CYSLTR2: variants seen among roughly 807,000 people sequenced by gnomAD.
CYSLTR2 encodes the protein cysteinyl leukotriene receptor 2.
For synonymous variants in CYSLTR2, 179 were observed against 160.8 expected (o/e 1.11, Z -0.86); for missense variants, 398 against 411.9 (o/e 0.97, Z 0.29).
intron 1 of CYSLTR2, among the ~76,000 whole-genome samples, chr13:48,682,480 G>C (rs969681599): frequency 1.3e-5 from 2 of 151,938 alleles, no homozygotes; most frequent in Non-Finnish European, 2.9e-5. Flanking sequence ...CCCCATTCCA[G>C]CTAATGGCCT....
Position 48,707,432 on chromosome 13 carries a change from C to T in CYSLTR2, c.615C>T (p.Ala205=). ...AGCTGCAGACCATGAACTATATTGCCTTGGTGGTGGGCTGCCTGCTGCCAT... is the reference window on the plus strand; with the variant it reads ...AGCTGCAGACCATGAACTATATTGCTTTGGTGGTGGGCTGCCTGCTGCCAT... ...IAKLQTMNYI[A]LVVGCLLPFF... is the part of the protein sequence containing the mutation. Residue 205 remains alanine (A), a synonymous_variant, in exon 5 of 5, where the codon GCC becomes GCT. Coordinates refer to ENST00000682523, the MANE Select transcript of CYSLTR2 (RefSeq NM_001308476.3). 6.2e-7 allele frequency: 1 copy of T among 1,614,102 alleles called. No individual in the cohort carries two copies. The highest frequency in any genetic ancestry group is 8.5e-7 in the Non-Finnish European group (1 of 1,180,034).
intron 1 of CYSLTR2, among the ~76,000 whole-genome samples, chr13:48,667,675 C>CA (rs1566083556): frequency 6.6e-6 from 1 of 152,216 alleles, no homozygotes; most frequent in African/African-American, 2.4e-5. Context: ...CTCAACTGCA[C>CA]AGCTGCTCAC....
At chr13:48,701,962 G>A (rs1282928451) in intron 4 of CYSLTR2, among the ~76,000 whole-genome samples, 12 of 152,072 alleles carry the variant, frequency 7.9e-5, no homozygotes, top group African/African-American at 2.2e-4. Flanking sequence ...ACATGCACAC[G>A]TATGTTTATT....
At chr13:48,657,528 T>G (rs1953027689) in intron 1 of CYSLTR2, among the ~76,000 whole-genome samples, 1 of 148,614 alleles carries the variant, frequency 6.7e-6, no homozygotes. Flanking sequence ...GGGAAAGAGA[T>G]GGAAAAGGAG....
intron 1 of CYSLTR2, among the ~76,000 whole-genome samples, chr13:48,655,666 C>A (rs1952981136): frequency 6.6e-6 from 1 of 152,212 alleles, no homozygotes; most frequent in African/African-American, 2.4e-5. Context: ...TAAACATTCA[C>A]ATAGTACTTT....
chr13:48,676,913 T>C (rs1027447005), intron 1 of CYSLTR2, among the ~76,000 whole-genome samples: 3 of 152,112 alleles, frequency 2.0e-5, no homozygotes, highest in African/African-American at 7.2e-5. Context: ...GACGAAAATA[T>C]GGGCTGTCAA....
At chr13:48,673,288 C>T (rs139303680) in intron 1 of CYSLTR2, among the ~76,000 whole-genome samples, 3 of 152,138 alleles carry the variant, frequency 2.0e-5, no homozygotes, top group African/African-American at 7.2e-5. Context: ...TCCGGGTGCT[C>T]CTGTATTGGG....
chr13:48,662,148 T>G (rs1953145661), intron 1 of CYSLTR2, among the ~76,000 whole-genome samples: 1 of 152,152 alleles, frequency 6.6e-6, no homozygotes, highest in African/African-American at 2.4e-5. Flanking sequence ...TAACATAATG[T>G]CCTCCATTTC....
intron 1 of CYSLTR2, among the ~76,000 whole-genome samples, chr13:48,667,477 T>A (rs1332090810): frequency 2.0e-5 from 3 of 152,186 alleles, no homozygotes; most frequent in Non-Finnish European, 4.4e-5. Flanking sequence ...TGAGGGAACA[T>A]CTGCTGGGGC....
chr13:48,708,974 AG>A lies in CYSLTR2; in HGVS notation c.*1119del, dbSNP rs1375378867. On this transcript the variant is annotated 3_prime_UTR_variant, in exon 5 of 5. Coordinates refer to ENST00000682523, the MANE Select transcript of CYSLTR2 (RefSeq NM_001308476.3). ...CAACAATTGAATGCAGTCTCCCTGC[AG>A]GGCAGATTATGCCAGGCACTTTACA... The A allele has an allele frequency of 6.0e-6, 1 of 167,126 alleles. No individual in the cohort carries two copies. Among genetic ancestry groups the A allele is most frequent in the African/African-American group, 2.4e-5 (1 of 41,464 alleles). The allele number at this position is 167,126 out of a possible 1,614,324, so 10.4% of individuals were successfully genotyped here. A position where few individuals can be genotyped will look rare whatever the true frequency, so the allele number is the denominator to read the frequency against.
At chr13:48,689,104 G>A (rs1330342681) in intron 1 of CYSLTR2, among the ~76,000 whole-genome samples, 1 of 152,164 alleles carries the variant, frequency 6.6e-6, no homozygotes, top group African/African-American at 2.4e-5. Flanking sequence ...TGATGGGGTT[G>A]TTTGTTTATT....
At chr13:48,682,269 T>C (rs1953776591) in intron 1 of CYSLTR2, among the ~76,000 whole-genome samples, 1 of 152,152 alleles carries the variant, frequency 6.6e-6, no homozygotes, top group Non-Finnish European at 1.5e-5. Context: ...GATTGTGCAT[T>C]TAGTCCTGCT....
intron 1 of CYSLTR2, among the ~76,000 whole-genome samples, chr13:48,675,651 G>A (rs1261157039): frequency 1.3e-5 from 2 of 152,132 alleles, no homozygotes; most frequent in African/African-American, 2.4e-5. Flanking sequence ...TTCCAGAAAA[G>A]TGAATGGTTC....
intron 4 of CYSLTR2, among the ~76,000 whole-genome samples, chr13:48,700,704 T>A (rs1285302184): frequency 5.3e-5 from 8 of 152,092 alleles, no homozygotes; most frequent in Admixed American, 5.2e-4. Context: ...GGGTATTAAA[T>A]TAGGAAAAGA....
intron 1 of CYSLTR2, among the ~76,000 whole-genome samples, chr13:48,657,363 G>T (rs1953023033): frequency 6.6e-6 from 1 of 152,126 alleles, no homozygotes; most frequent in Non-Finnish European, 1.5e-5. Flanking sequence ...AAGTCGGAAG[G>T]GTCCTTAGGA....
At chr13:48,701,767 A>G (rs12872853) in intron 4 of CYSLTR2, among the ~76,000 whole-genome samples, 31,530 of 152,076 alleles carry the variant, frequency 0.21, 4,052 homozygotes, top group East Asian at 0.34. Flanking sequence ...AACAACAGGT[A>G]CTGGAGAGGA....
chr13:48,658,358 C>T (rs1953048081), intron 1 of CYSLTR2, among the ~76,000 whole-genome samples: 1 of 152,156 alleles, frequency 6.6e-6, no homozygotes, highest in Non-Finnish European at 1.5e-5. Context: ...ATTATAAAAA[C>T]CATGTGAGTT....
chr13:48,656,238 C>T (rs1952994641), intron 1 of CYSLTR2, among the ~76,000 whole-genome samples: 1 of 152,092 alleles, frequency 6.6e-6, no homozygotes, highest in Non-Finnish European at 1.5e-5. Flanking sequence ...TTCTGGTTGG[C>T]TCTTCTCCAG....
chr13:48,687,458 A>G (rs1833909046), intron 1 of CYSLTR2, among the ~76,000 whole-genome samples: 1 of 152,056 alleles, frequency 6.6e-6, no homozygotes, highest in Admixed American at 6.6e-5. Context: ...TCTATCAATT[A>G]TCCATCATCT....
Sources: gnomAD v4.1 joint callset for allele counts (sites outside exome capture counted in the v4.1 genomes callset) on GRCh38, gnomAD v4.1.1 for gene constraint, MANE v1.5 for transcripts, NCBI Gene and HGNC (gene_info 2026-07-23, HGNC 2026-07-21) for gene names.